PHLPP1: variants seen among roughly 807,000 people sequenced by gnomAD.
PHLPP1 encodes PH domain and leucine rich repeat protein phosphatase 1, also known as PH domain leucine-rich repeat-containing protein phosphatase 1.
A neutral mutation model predicts 117.2 loss-of-function variants in PHLPP1; 42 were observed. That is an observed-to-expected ratio of 0.36 (90% confidence interval 0.28 to 0.46). The LOEUF (loss-of-function observed/expected upper bound fraction) is 0.46. PHLPP1 is among the 20% of genes least tolerant of loss of function. The pLI, the probability that PHLPP1 is intolerant of heterozygous loss-of-function variation, is 1.00. For missense variants in PHLPP1, 2,084 were observed against 2,241.9 expected, an observed-to-expected ratio of 0.93 and a Z score of 1.42; for synonymous variants, 1,042 against 970.7, an observed-to-expected ratio of 1.07 and a Z score of -1.37.
intron 7 of PHLPP1, 70 bp downstream of exon 7, chr18:62,903,236 C>T (rs1446544631): frequency 9.6e-7 from 1 of 1,042,996 alleles, no homozygotes; most frequent in Non-Finnish European, 1.5e-6. Flanking sequence ...ATTATTTCTG[C>T]TTCTGATTAT....
At chr18:62,853,124 A>G (rs533072049) in intron 3 of PHLPP1, among the ~76,000 whole-genome samples, 1 of 152,306 alleles carries the variant, frequency 6.6e-6, no homozygotes, top group South Asian at 2.1e-4. Context: ...TGTTGTTCAC[A>G]TTAGCATTTT....
rs531732212 is a variant in PHLPP1, at chr18:62,760,388, C to G, written c.1576+43129C>G. Among the ~76,000 whole-genome samples the G allele has an allele frequency of 9.2e-5, 14 of 152,320 alleles. No homozygotes were observed. In the South Asian group the frequency reaches 2.3e-3, roughly 25 times the overall value. ...TTGCAGTCCGAGATCTGTAAGTTTT[C>G]TCATCACAGATGGGTTCCTATTTTT... On this transcript the variant is annotated intron_variant, in intron 1 of 16. Transcript: ENST00000262719.
chr18:62,830,373 C>T (rs1369843955), intron 2 of PHLPP1, 142 bp downstream of exon 2: 11 of 624,534 alleles, frequency 1.8e-5, no homozygotes, highest in Admixed American at 3.0e-5. Context: ...GGATTACAGG[C>T]GTGCACCACC....
At position 62,941,746 on chromosome 18, in the gene PHLPP1, A is replaced by G; in HGVS notation, c.2989A>G (p.Lys997Glu). 1 of 1,613,794 alleles carries G rather than the reference A, an allele frequency of 6.2e-7. No individual in the cohort carries two copies. Among genetic ancestry groups the G allele is most frequent in the Non-Finnish European group, 8.5e-7 (1 of 1,179,722 alleles). ...SLRFLNASAN[K>E]LESLPPATLS... ...GAGATTCCTGAACGCCTCTGCGAACAAACTGGAAAGCCTTCCTCCAGCCAC... is the reference window on the plus strand; with the variant it reads ...GAGATTCCTGAACGCCTCTGCGAACGAACTGGAAAGCCTTCCTCCAGCCAC... Residue 997 changes from lysine to glutamate, a missense_variant, in exon 11 of 17, where the codon AAA (lysine) becomes GAA (glutamate). By Grantham distance (56) the Lys-to-Glu change is moderately conservative. Transcript: ENST00000262719.
chr18:62,940,490 G>A (rs1346856564), intron 10 of PHLPP1, among the ~76,000 whole-genome samples: 1 of 146,924 alleles, frequency 6.8e-6, no homozygotes, highest in African/African-American at 2.5e-5. Context: ...TCAGCCTCCC[G>A]AGTAGCTGGG....
chr18:62,764,024 G>A (rs1485712004), intron 1 of PHLPP1, among the ~76,000 whole-genome samples: 1 of 151,896 alleles, frequency 6.6e-6, no homozygotes, highest in East Asian at 1.9e-4. Flanking sequence ...TTAGCCGGGC[G>A]TGGTGGTGCA....
chr18:62,725,597 C>G (rs1476523019), intron 1 of PHLPP1, among the ~76,000 whole-genome samples: 1 of 151,552 alleles, frequency 6.6e-6, no homozygotes, highest in East Asian at 1.9e-4. Context: ...TATGCCATTG[C>G]TTTGAATACT....
At chr18:62,753,893 C>T (rs1299218755) in intron 1 of PHLPP1, among the ~76,000 whole-genome samples, 1 of 152,104 alleles carries the variant, frequency 6.6e-6, no homozygotes, top group Non-Finnish European at 1.5e-5. Context: ...ATTTTTGATC[C>T]TGTGAGATTG....
rs372348225 is a variant in PHLPP1 at position 62,844,298 on chromosome 18, C to A, written c.1899+5389C>A. On this transcript the variant is annotated intron_variant, in intron 3 of 16. Coordinates refer to ENST00000262719, the MANE Select transcript of PHLPP1 (RefSeq NM_194449.4). ...AGGTTGCACTGAGCTGAGATTGCGCCACTGCACTCCAGCCTGGGCGACAGA... is the reference window on the plus strand; with the variant it reads ...AGGTTGCACTGAGCTGAGATTGCGCAACTGCACTCCAGCCTGGGCGACAGA... Among the ~76,000 whole-genome samples, 3 of 152,092 alleles carry A rather than the reference C, an allele frequency of 2.0e-5. No homozygotes were observed. In the East Asian group the frequency reaches 5.8e-4, roughly 29 times the overall value.
In PHLPP1 at chr18:62,838,924, A is replaced by G; in HGVS notation, c.1899+15A>G. On this transcript the variant is annotated intron_variant, in intron 3 of 16. Coordinates refer to ENST00000262719, the MANE Select transcript of PHLPP1 (RefSeq NM_194449.4). ...AAGTCTCCAAGGTAAGCAAGCACTT[A>G]ATCCAGGAATCCACTCAGCTTCTAG... is the stretch of plus-strand genomic sequence containing the variant. The G allele has an allele frequency of 6.2e-6, 10 of 1,613,434 alleles. No individual in the cohort carries two copies. Among genetic ancestry groups the G allele is most frequent in the South Asian group, 1.1e-5 (1 of 91,040 alleles).
chr18:62,902,950 C>G lies in PHLPP1; in HGVS notation c.2445-14C>G. On this transcript the variant is annotated splice_polypyrimidine_tract_variant and intron_variant, in intron 6 of 16. Transcript: ENST00000262719. Reference sequence around the variant, plus strand: ...TTGCAGTTAATTATAGTCTCTATGTCCTTTGCCCTCAAGGTTGAACGTAAT... The same window carrying G: ...TTGCAGTTAATTATAGTCTCTATGTGCTTTGCCCTCAAGGTTGAACGTAAT... 1 of 1,569,412 alleles carries G rather than the reference C, an allele frequency of 6.4e-7. No homozygotes were observed. Among genetic ancestry groups the G allele is most frequent in the Non-Finnish European group, 8.7e-7 (1 of 1,144,902 alleles).
At chr18:62,857,281 T>A (rs2144358947) in intron 3 of PHLPP1, among the ~76,000 whole-genome samples, 1 of 150,478 alleles carries the variant, frequency 6.6e-6, no homozygotes, top group Middle Eastern at 3.4e-3. Context: ...GTGTGTATTG[T>A]ATTAAAAATT....
intron 1 of PHLPP1, among the ~76,000 whole-genome samples, chr18:62,811,293 A>G (rs1418350360): frequency 6.6e-6 from 1 of 152,186 alleles, no homozygotes; most frequent in African/African-American, 2.4e-5. Flanking sequence ...ATCAGAAACA[A>G]TCTTGAACAA....
Position 62,958,741 on chromosome 18 carries a change from A to G in PHLPP1, c.3437A>G (p.Lys1146Arg). Residue 1146 changes from lysine (K) to arginine (R), a missense_variant, in exon 13 of 17, where the codon AAA (lysine) becomes AGA (arginine). Coordinates refer to ENST00000262719, the MANE Select transcript of PHLPP1 (RefSeq NM_194449.4). ...AACCCGCGCCTTGTCCTTGATCACA[A>G]AACCCTGGAACTACTGAAGTAAGTA... ...TGNPRLVLDH[K>R]TLELLNNIRC... 6.2e-7 allele frequency: 1 copy of G among 1,614,002 alleles called. No individual in the cohort carries two copies.
rs1470093848 is a variant in PHLPP1, at chr18:62,978,992, G to A, written c.4715G>A (p.Ser1572Asn). The A allele has an allele frequency of 6.8e-6, 11 of 1,612,670 alleles. No homozygotes were observed. Among genetic ancestry groups the A allele is most frequent in the Non-Finnish European group, 9.3e-6 (11 of 1,179,460 alleles). Residue 1572 changes from serine to asparagine, a missense_variant, in exon 17 of 17, where the codon AGC becomes AAC. Physicochemically the swap from Ser to Asn is conservative, Grantham distance 46. Around this residue, in one of 2 missense-constraint regions of PHLPP1, gnomAD observed 1,365 missense variants for 1,605.9 expected, o/e 0.85. Coordinates refer to ENST00000262719, the MANE Select transcript of PHLPP1 (RefSeq NM_194449.4). This position sits in a 1 kb window ranked among gnomAD's most constrained non-coding sequence, Gnocchi z 7.0. ...GAGGTGGAGGTGGACATCCACTGCA[G>A]CCGGGCCAAGGAGAAGGAGAAACAG... Reference protein sequence around the residue: ...RVEVEVDIHCSRAKEKEKQQH... With the variant: ...RVEVEVDIHCNRAKEKEKQQH...
chr18:62,915,073 C>T, intron 9 of PHLPP1, 65 bp downstream of exon 9: 1 of 1,149,374 alleles, frequency 8.7e-7, no homozygotes, highest in Non-Finnish European at 1.3e-6. Flanking sequence ...ATTGCTGATT[C>T]AGTGTTTAAC....
At chr18:62,731,819 C>T (rs1911234033) in intron 1 of PHLPP1, among the ~76,000 whole-genome samples, 1 of 152,138 alleles carries the variant, frequency 6.6e-6, no homozygotes. Context: ...ATATGGAGAA[C>T]GTTTTAGTGG....
intron 9 of PHLPP1, among the ~76,000 whole-genome samples, chr18:62,919,746 G>C (rs941426302): frequency 6.6e-5 from 10 of 152,156 alleles, no homozygotes; most frequent in African/African-American, 2.2e-4. Flanking sequence ...TTTTTGCTAT[G>C]TAGAGCTTCT....
chr18:62,839,793 A>G (rs1268060646), intron 3 of PHLPP1: 2 of 147,568 alleles, frequency 1.4e-5, no homozygotes, highest in African/African-American at 4.9e-5. Context: ...TAATATATAT[A>G]TATAATATCT....
Sources: gnomAD v4.1 joint callset for allele counts (sites outside exome capture counted in the v4.1 genomes callset) on GRCh38, gnomAD v4.1.1 for gene constraint, gnomAD v4.1.1 regional missense constraint, Gnocchi (gnomAD v3.1) non-coding constraint, MANE v1.5 for transcripts, NCBI Gene and HGNC (gene_info 2026-07-23, HGNC 2026-07-21) for gene names.